Variants in ANKRD11 observed in about 807,000 individuals in gnomAD.
ANKRD11 encodes the protein ankyrin repeat domain 11.
In ANKRD11, 17 loss-of-function variants were observed where a neutral mutation model predicts 195.7. The ratio of observed to expected loss-of-function variants is 0.09; its 90% CI spans 0.06 to 0.13. The LOEUF is 0.13. Ranked by LOEUF, ANKRD11 falls within the 10% of genes least tolerant of loss-of-function variation. The pLI is 1.00. For synonymous variants in ANKRD11, 1,953 were observed against 1,528.1 expected (o/e 1.28, Z -6.49); for missense variants, 3,735 against 3,566.1 (o/e 1.05, Z -1.21).
chr16:89,365,042 G>C (rs369887318), intron 2 of ANKRD11, among the ~76,000 whole-genome samples: 2 of 152,152 alleles, frequency 1.3e-5, no homozygotes, highest in Non-Finnish European at 1.5e-5. Context: ...CTGTTTTATA[G>C]GTAACAAGTC....
In ANKRD11 at chr16:89,283,045, T is replaced by G; in HGVS notation, c.3497A>C (p.Lys1166Thr). Residue 1166 changes from lysine to threonine, a missense_variant, in exon 9 of 13, where the codon AAG becomes ACG. By Grantham distance (78) the Lys-to-Thr change is moderately conservative. Transcript: ENST00000301030. The surrounding 1 kb of genome is among the most constrained non-coding windows in gnomAD (Gnocchi z 4.3). ...CTCAGGGTGCTGCTTGTCAGAAGAC[T>G]TCCTGTGTCTGTCGGAGGCATAGGC... ...REAYASDRHR[K>T]SSDKQHPERQ... 6.2e-7 allele frequency: 1 copy of G among 1,613,982 alleles called. No homozygotes were observed. The highest frequency in any genetic ancestry group is 1.1e-5 in the South Asian group (1 of 91,078).
intron 2 of ANKRD11, chr16:89,323,335 T>C (rs990748027): frequency 3.1e-6 from 4 of 1,287,872 alleles, no homozygotes; most frequent in African/African-American, 1.5e-5. Flanking sequence ...CAATCCCAGG[T>C]ATGGAAGAGA....
chr16:89,329,801 G>T (rs557535229), intron 2 of ANKRD11, among the ~76,000 whole-genome samples: 1 of 152,222 alleles, frequency 6.6e-6, no homozygotes, highest in East Asian at 1.9e-4. Flanking sequence ...TTGAGGTCAG[G>T]AGTTCGAAAC....
At chr16:89,441,228 T>A (rs942095747) in intron 1 of ANKRD11, among the ~76,000 whole-genome samples, 13 of 151,342 alleles carry the variant, frequency 8.6e-5, no homozygotes, top group African/African-American at 2.9e-4. Flanking sequence ...AAAGTGAGAC[T>A]CCGTCTCAAA....
intron 1 of ANKRD11, among the ~76,000 whole-genome samples, chr16:89,487,090 T>C (rs1030829108): frequency 6.6e-6 from 1 of 152,200 alleles, no homozygotes; most frequent in African/African-American, 2.4e-5. Context: ...ACAATAACTT[T>C]TATTTGAATT....
intron 1 of ANKRD11, among the ~76,000 whole-genome samples, chr16:89,477,778 C>T (rs1014333706): frequency 2.6e-5 from 4 of 151,886 alleles, no homozygotes; most frequent in Non-Finnish European, 5.9e-5. Context: ...TCAAGACCAG[C>T]CTGGCCAACA....
chr16:89,363,985 G>A (rs752490432), intron 2 of ANKRD11, among the ~76,000 whole-genome samples: 7 of 152,098 alleles, frequency 4.6e-5, no homozygotes, highest in African/African-American at 9.7e-5. Context: ...GCTTGAGCCC[G>A]GGAGTTGGAG....
In ANKRD11 at chr16:89,290,248, G is replaced by C. The variant is rs577094577; in HGVS notation, c.601+377C>G. On this transcript the variant is annotated intron_variant, in intron 6 of 12. Coordinates refer to ENST00000301030, the MANE Select transcript of ANKRD11 (RefSeq NM_013275.6). Reference sequence around the variant, plus strand: ...TGGGGGAGGCTCAGGGCTCCAGCGGGGGGTAGGCTCAGGGCTCCAATGGGG... The same window carrying C: ...TGGGGGAGGCTCAGGGCTCCAGCGGCGGGTAGGCTCAGGGCTCCAATGGGG... Among the ~76,000 whole-genome samples, 25 of 24,894 alleles carry C rather than the reference G, an allele frequency of 1.0e-3. 1 individual carries two copies. Among genetic ancestry groups the C allele is most frequent in the East Asian group, 6.0e-3 (20 of 3,346 alleles). The allele number at this position is 24,894 out of a possible 152,430, so 16.3% of individuals were successfully genotyped here.
rs2040988946 is a variant in ANKRD11 at position 89,387,819 on chromosome 16, A to G, written c.-60+30465T>C. Among the ~76,000 whole-genome samples the G allele has an allele frequency of 2.0e-5, 3 of 151,624 alleles. 1 individual carries two copies. The South Asian group carries it at 6.2e-4, about 32-fold the overall frequency. On this transcript the variant is annotated intron_variant, in intron 2 of 12. Transcript: ENST00000301030. ...GGGGTTCAAGACCAGCCTGGCCAAC[A>G]TGGTGAAACCCCGTCTCTACTAAAA...
chr16:89,304,189 A>C (rs2036019129), intron 4 of ANKRD11, among the ~76,000 whole-genome samples: 1 of 152,240 alleles, frequency 6.6e-6, no homozygotes, highest in African/African-American at 2.4e-5. Flanking sequence ...AGCTCAAGAC[A>C]GAATCCACTG....
intron 3 of ANKRD11, among the ~76,000 whole-genome samples, chr16:89,315,409 T>C (rs1181610190): frequency 6.7e-6 from 1 of 150,166 alleles, no homozygotes; most frequent in African/African-American, 2.5e-5. Context: ...TGACCTGCCC[T>C]TGCGCCTTTC....
intron 9 of ANKRD11, chr16:89,277,571 G>C (rs2033762872): frequency 6.6e-6 from 1 of 152,300 alleles, no homozygotes; most frequent in Non-Finnish European, 1.5e-5. Flanking sequence ...TCTTACTGAG[G>C]AGAGATCCTG....
chr16:89,422,679 C>T (rs1209443212), intron 1 of ANKRD11, among the ~76,000 whole-genome samples: 1 of 152,198 alleles, frequency 6.6e-6, no homozygotes, highest in African/African-American at 2.4e-5. Flanking sequence ...CGAGCACCGT[C>T]CGAAACAGAA....
At chr16:89,438,076 G>A (rs1042146534) in intron 1 of ANKRD11, among the ~76,000 whole-genome samples, 4 of 152,184 alleles carry the variant, frequency 2.6e-5, no homozygotes, top group Non-Finnish European at 5.9e-5. Flanking sequence ...AGGAGAGCCC[G>A]CTGGCCAGGA....
Position 89,268,240 on chromosome 16 carries a change from A to T in ANKRD11, c.*238T>A. On this transcript the variant is annotated 3_prime_UTR_variant, in exon 13 of 13. Coordinates refer to ENST00000301030, the MANE Select transcript of ANKRD11 (RefSeq NM_013275.6). ...ATGGTCTCCTCATCCCGCCGGGGCC[A>T]GTGAGGCTCTGGGGGCTTTGCCCCC... is the stretch of plus-strand genomic sequence containing the variant. The T allele has an allele frequency of 3.7e-6, 1 of 269,926 alleles. No homozygotes were observed. Among genetic ancestry groups the T allele is most frequent in the South Asian group, 3.1e-5 (1 of 32,362 alleles). 16.7% of individuals were successfully genotyped at this position (269,926 alleles called of 1,614,324 possible).
intron 1 of ANKRD11, among the ~76,000 whole-genome samples, chr16:89,465,640 C>T (rs968844572): frequency 6.6e-6 from 1 of 152,214 alleles, no homozygotes. Flanking sequence ...CTCCCATGTA[C>T]TCCTGCACGT....
At chr16:89,485,255 G>T (rs997974299) in intron 1 of ANKRD11, among the ~76,000 whole-genome samples, 1 of 151,822 alleles carries the variant, frequency 6.6e-6, no homozygotes, top group East Asian at 1.9e-4. Context: ...AGGCCAAGAC[G>T]GCTGGATCAC....
intron 2 of ANKRD11, among the ~76,000 whole-genome samples, chr16:89,392,163 G>A (rs887387701): frequency 5.9e-5 from 9 of 152,204 alleles, no homozygotes; most frequent in African/African-American, 2.2e-4. Context: ...CGGACACAGC[G>A]TCAGGTTATA....
intron 1 of ANKRD11, among the ~76,000 whole-genome samples, chr16:89,476,612 G>A (rs757121474): frequency 2.6e-5 from 4 of 152,192 alleles, no homozygotes; most frequent in Admixed American, 6.5e-5. Context: ...CTGCAGCCTG[G>A]CAGTTACAGA....
Sources: allele counts gnomAD v4.1 joint callset (sites outside exome capture counted in the v4.1 genomes callset), GRCh38; gene constraint gnomAD v4.1.1; non-coding constraint Gnocchi (gnomAD v3.1); transcripts MANE v1.5; gene names NCBI Gene and HGNC (gene_info 2026-07-23, HGNC 2026-07-21).